Variants in COL22A1 observed in about 807,000 individuals in gnomAD.
The protein encoded by COL22A1 is collagen alpha-1(XXII) chain.
In COL22A1, 221 loss-of-function variants were observed where a neutral mutation model predicts 248.9. The observed-to-expected ratio is 0.89, with a 90% CI of 0.80 to 0.99. The LOEUF (loss-of-function observed/expected upper bound fraction) is 0.99. Among genes scored for constraint, COL22A1 ranks in the 50% least tolerant of loss-of-function variants. The probability of loss-of-function intolerance (pLI) is 0.00; values close to 1 mark genes in which losing one functional copy is unlikely to be tolerated. For synonymous variants in COL22A1, 891 were observed against 793.4 expected (o/e 1.12, Z -2.07); for missense variants, 2,240 against 2,179.0 (o/e 1.03, Z -0.56).
chr8:138,814,036 A>T (rs1421831406), intron 7 of COL22A1, among the ~76,000 whole-genome samples: 2 of 152,268 alleles, frequency 1.3e-5, no homozygotes, highest in Non-Finnish European at 2.9e-5. Flanking sequence ...TAAAACATCC[A>T]CATGCATGAA....
At chr8:138,751,302 C>T (rs1832580034) in intron 22 of COL22A1, among the ~76,000 whole-genome samples, 156 bp downstream of exon 22, 1 of 152,198 alleles carries the variant, frequency 6.6e-6, no homozygotes, top group Admixed American at 6.5e-5. Context: ...AGAACCTCAA[C>T]CATGTTTGAT....
At chr8:138,895,173 A>T (rs4595154) in intron 1 of COL22A1, among the ~76,000 whole-genome samples, 94,275 of 151,894 alleles carry the variant, frequency 0.62, 30,221 homozygotes, top group East Asian at 0.85. Context: ...ATCTTACTAT[A>T]CCAAAATGAG....
At chr8:138,693,549 A>G in intron 35 of COL22A1, 97 bp downstream of exon 35, 1 of 1,304,284 alleles carries the variant, frequency 7.7e-7, no homozygotes, top group Non-Finnish European at 1.1e-6. Flanking sequence ...ACGTCCTCCT[A>G]GCTAGCCCAG....
chr8:138,728,923 C>T (rs908244558), intron 23 of COL22A1, among the ~76,000 whole-genome samples: 4 of 152,098 alleles, frequency 2.6e-5, no homozygotes, highest in African/African-American at 9.7e-5. Flanking sequence ...TCCAGGCCAG[C>T]TCCGTATTCC....
chr8:138,676,643 G>T lies in COL22A1; in HGVS notation c.3073-8C>A. On this transcript the variant is annotated splice_polypyrimidine_tract_variant and splice_region_variant and intron_variant, in intron 40 of 64. Transcript: ENST00000303045. ...AGGAGCTCCTCGATCCCCCTAGAAA[G>T]AGAGAAAAATAAGATCAAGGAGGTC... is the stretch of plus-strand genomic sequence containing the variant. 6.4e-7 allele frequency: 1 copy of T among 1,554,670 alleles called. No homozygotes were observed. The highest frequency in any genetic ancestry group is 8.7e-7 in the Non-Finnish European group (1 of 1,147,144).
intron 47 of COL22A1, among the ~76,000 whole-genome samples, chr8:138,643,012 G>C: frequency 6.9e-6 from 1 of 145,976 alleles, no homozygotes; most frequent in Non-Finnish European, 1.5e-5. Context: ...CTGGGCAACA[G>C]AGCAAGACTC....
At chr8:138,696,402 GCC>G (rs1564208090) in intron 32 of COL22A1, among the ~76,000 whole-genome samples, 1 of 152,164 alleles carries the variant, frequency 6.6e-6, no homozygotes, top group African/African-American at 2.4e-5. Context: ...TGAAGGGAGG[GCC>G]ATGGATGCAT....
intron 4 of COL22A1, 77 bp from the exon 5 acceptor site, chr8:138,833,227 C>CTTTGCAGACAGCGGA: frequency 2.0e-6 from 2 of 1,004,046 alleles, no homozygotes; most frequent in Non-Finnish European, 3.2e-6. Flanking sequence ...CATCCGCTGT[C>CTTTGCAGACAGCGGA]TGCAAAGGCA....
chr8:138,755,844 C>A lies in COL22A1; in HGVS notation c.1903-15G>T. On this transcript the variant is annotated splice_polypyrimidine_tract_variant and intron_variant, in intron 18 of 64. Transcript: ENST00000303045. ...CCCACGTCACCCTGCACAGAAACGA[C>A]AAACATTTCAGCATAGTTACTGGTG... 6.2e-7 allele frequency: 1 copy of A among 1,613,078 alleles called. No homozygotes were observed. The highest frequency in any genetic ancestry group is 8.5e-7 in the Non-Finnish European group (1 of 1,179,086).
rs1307808086 is a variant in COL22A1 at position 138,614,179 on chromosome 8, G to A, written c.3925-259C>T. Among the ~76,000 whole-genome samples the A allele has an allele frequency of 2.0e-5, 3 of 152,252 alleles. No homozygotes were observed. The East Asian group carries it at 5.8e-4, about 29-fold the overall frequency. ...AGACATCCTCCACCTGGTCCCACAG[G>A]GGTTTCAGGTGGCTCCATCTTGAAA... On this transcript the variant is annotated intron_variant, in intron 55 of 64. Coordinates refer to ENST00000303045, the MANE Select transcript of COL22A1 (RefSeq NM_152888.3).
intron 39 of COL22A1, among the ~76,000 whole-genome samples, chr8:138,683,404 GA>G (rs1826103690): frequency 6.6e-6 from 1 of 152,306 alleles, no homozygotes; most frequent in Admixed American, 6.5e-5. Context: ...ACTTCCCCAT[GA>G]AAAAGGTCAT....
At chr8:138,695,090 ACTT>A (rs1827401252) in intron 32 of COL22A1, among the ~76,000 whole-genome samples, 2 of 152,234 alleles carry the variant, frequency 1.3e-5, no homozygotes, top group African/African-American at 4.8e-5. Context: ...GTCAGGAATC[ACTT>A]CTTCTGGGAA....
intron 7 of COL22A1, among the ~76,000 whole-genome samples, chr8:138,818,905 T>C (rs1168217367): frequency 6.6e-6 from 1 of 152,092 alleles, no homozygotes; most frequent in Non-Finnish European, 1.5e-5. Context: ...GATTAAACAA[T>C]CTAACAGATA....
chr8:138,769,941 C>T (rs1230517759), intron 16 of COL22A1, among the ~76,000 whole-genome samples: 3 of 152,198 alleles, frequency 2.0e-5, no homozygotes, highest in African/African-American at 7.2e-5. Flanking sequence ...TAGGGACCTT[C>T]TACCAGGTGC....
chr8:138,773,441 A>AG (rs1228154853), intron 16 of COL22A1, among the ~76,000 whole-genome samples: 5 of 152,102 alleles, frequency 3.3e-5, no homozygotes, highest in African/African-American at 1.2e-4. Flanking sequence ...TGTCCTTTGG[A>AG]GTGGGGGGTC....
rs1826260830 is a variant in COL22A1 at position 138,685,299 on chromosome 8, T to TC, written c.2875dup (p.Glu959GlyfsTer66). ...ACCAACTGGCCCTGGGCTGCCTTCT[T>TC]CCCCCGCTGCACCCTGGAAAGAAAA... On this transcript the variant is annotated frameshift_variant, in exon 38 of 65. Transcript: ENST00000303045. LOFTEE classifies it high-confidence loss of function. 6.2e-7 allele frequency: 1 copy of TC among 1,613,704 alleles called. No homozygotes were observed. Among genetic ancestry groups the TC allele is most frequent in the African/African-American group, 1.3e-5 (1 of 74,984 alleles).
At chr8:138,660,509 C>CTG (rs1332429772) in intron 43 of COL22A1, 29 bp from the exon 44 acceptor site, 8 of 1,607,906 alleles carry the variant, frequency 5.0e-6, no homozygotes, top group Non-Finnish European at 6.8e-6. Context: ...AAAACATTAA[C>CTG]TGTGATAAGC....
At chr8:138,702,429 T>C (rs1262923398) in intron 31 of COL22A1, among the ~76,000 whole-genome samples, 1 of 152,122 alleles carries the variant, frequency 6.6e-6, no homozygotes, top group Non-Finnish European at 1.5e-5. Flanking sequence ...TTTGCCACAC[T>C]ACAAATGGGA....
chr8:138,713,150 G>A (rs962329016), intron 30 of COL22A1, among the ~76,000 whole-genome samples: 2 of 152,110 alleles, frequency 1.3e-5, no homozygotes, highest in South Asian at 4.1e-4. Context: ...GACCTGCTTG[G>A]CAAAAGAGCC....
Sources: allele counts gnomAD v4.1 joint callset (sites outside exome capture counted in the v4.1 genomes callset), GRCh38; gene constraint gnomAD v4.1.1; transcripts MANE v1.5; gene names NCBI Gene and HGNC (gene_info 2026-07-23, HGNC 2026-07-21).